The following PLCB1 variants were observed in gnomAD, a reference collection of about 807,000 sequenced individuals.
PLCB1 encodes the protein 1-phosphatidylinositol 4,5-bisphosphate phosphodiesterase beta-1.
A neutral mutation model predicts 161.8 loss-of-function variants in PLCB1; 46 were observed. That is an observed-to-expected ratio of 0.28 (90% CI 0.22 to 0.36). The LOEUF (loss-of-function observed/expected upper bound fraction) is 0.36, where lower values mean the gene tolerates loss of function less well. Among genes scored for constraint, PLCB1 ranks in the 10% least tolerant of loss-of-function variants. The probability of loss-of-function intolerance (pLI) is 1.00; values close to 1 mark genes in which losing one functional copy is unlikely to be tolerated. For synonymous variants in PLCB1, 517 were observed against 503.7 expected (o/e 1.03, Z -0.35); for missense variants, 1,016 against 1,472.5 (o/e 0.69, Z 5.07).
intron 3 of PLCB1, among the ~76,000 whole-genome samples, chr20:8,453,769 G>A (rs890216026): frequency 2.0e-5 from 3 of 152,190 alleles, no homozygotes; most frequent in African/African-American, 7.2e-5. Context: ...AAATCTGGAA[G>A]AAGAGTATTT....
At chr20:8,689,267 T>G (rs898196607) in intron 10 of PLCB1, among the ~76,000 whole-genome samples, 2 of 152,156 alleles carry the variant, frequency 1.3e-5, no homozygotes, top group African/African-American at 4.8e-5. Flanking sequence ...ATTTTCAAGG[T>G]AAACAATCAT....
At chr20:8,675,553 G>T (rs1990053754) in intron 9 of PLCB1, among the ~76,000 whole-genome samples, 1 of 152,092 alleles carries the variant, frequency 6.6e-6, no homozygotes. Flanking sequence ...ACAAATACAA[G>T]ATCAAAGATA....
At chr20:8,268,525 C>T (rs896468145) in intron 2 of PLCB1, among the ~76,000 whole-genome samples, 6 of 152,146 alleles carry the variant, frequency 3.9e-5, no homozygotes, top group African/African-American at 7.2e-5. Flanking sequence ...AGTTCTAGAT[C>T]CTTGAGGAAT....
chr20:8,720,856 TTTA>T (rs1366392729), intron 14 of PLCB1, among the ~76,000 whole-genome samples: 17 of 143,228 alleles, frequency 1.2e-4, no homozygotes, highest in South Asian at 1.1e-3. Context: ...ATTTTTTTTT[TTTA>T]AAAAAAAAAG....
intron 3 of PLCB1, among the ~76,000 whole-genome samples, chr20:8,569,564 A>G (rs1986441309): frequency 6.6e-6 from 1 of 152,230 alleles, no homozygotes. Flanking sequence ...ATAAGTATGA[A>G]AGAAACGAAA....
intron 3 of PLCB1, among the ~76,000 whole-genome samples, chr20:8,545,773 G>C (rs1985514932): frequency 6.6e-6 from 1 of 152,204 alleles, no homozygotes; most frequent in African/African-American, 2.4e-5. Flanking sequence ...TGCTGACTTA[G>C]TGGTGCTAGT....
chr20:8,770,555 A>G (rs1226636561), intron 26 of PLCB1, among the ~76,000 whole-genome samples: 1 of 152,186 alleles, frequency 6.6e-6, no homozygotes, highest in Non-Finnish European at 1.5e-5. Flanking sequence ...CAAGGTGTTC[A>G]GAGCAGTTTG....
chr20:8,765,112 C>T (rs777545445), intron 25 of PLCB1, 27 bp from the exon 26 acceptor site: 6 of 1,584,512 alleles, frequency 3.8e-6, no homozygotes, highest in Non-Finnish European at 5.2e-6. Flanking sequence ...CTCCCATTCC[C>T]TTAGCTTTCA....
At chr20:8,307,620 TTG>T (rs1327538341) in intron 2 of PLCB1, among the ~76,000 whole-genome samples, 1 of 152,098 alleles carries the variant, frequency 6.6e-6, no homozygotes, top group African/African-American at 2.4e-5. Flanking sequence ...ATTAATTATG[TTG>T]TTAGTTAAGA....
chr20:8,210,726 C>T (rs534573957), intron 2 of PLCB1, among the ~76,000 whole-genome samples: 86 of 152,196 alleles, frequency 5.7e-4, no homozygotes, highest in African/African-American at 2.0e-3. Flanking sequence ...CAATTCAATT[C>T]ATGGGAAATG....
chr20:8,269,345 C>T (rs56241783), intron 2 of PLCB1, among the ~76,000 whole-genome samples: 32,981 of 151,860 alleles, frequency 0.22, 4,058 homozygotes, highest in Non-Finnish European at 0.28. Context: ...TTTGGTTTTT[C>T]GTTCTTGTGT....
chr20:8,548,898 C>A (rs996341384), intron 3 of PLCB1, among the ~76,000 whole-genome samples: 1 of 152,078 alleles, frequency 6.6e-6, no homozygotes, highest in African/African-American at 2.4e-5. Context: ...ATATTGGATG[C>A]CAAGAAAATA....
At chr20:8,204,816 G>T (rs1978441779) in intron 2 of PLCB1, among the ~76,000 whole-genome samples, 1 of 152,098 alleles carries the variant, frequency 6.6e-6, no homozygotes, top group African/African-American at 2.4e-5. Flanking sequence ...TAAGTCTGTT[G>T]TTATTCAACA....
intron 2 of PLCB1, among the ~76,000 whole-genome samples, chr20:8,320,365 AT>A (rs1984856247): frequency 6.6e-6 from 1 of 152,158 alleles, no homozygotes; most frequent in African/African-American, 2.4e-5. Flanking sequence ...AACACAGTTA[AT>A]TTTTAGGAGG....
chr20:8,346,753 C>A (rs1360432166), intron 2 of PLCB1, among the ~76,000 whole-genome samples: 1 of 151,770 alleles, frequency 6.6e-6, no homozygotes, highest in Non-Finnish European at 1.5e-5. Flanking sequence ...GCTCAAATTG[C>A]ATTCAACAGT....
intron 31 of PLCB1, chr20:8,801,938 A>AACTGT: frequency 1.4e-6 from 1 of 724,624 alleles, no homozygotes; most frequent in South Asian, 1.5e-5. Context: ...GAGGAGTTAA[A>AACTGT]ACTGTACTCT....
chr20:8,702,868 T>C (rs1487862814), intron 11 of PLCB1, among the ~76,000 whole-genome samples: 1 of 152,248 alleles, frequency 6.6e-6, no homozygotes, highest in Non-Finnish European at 1.5e-5. Flanking sequence ...AGCATGAAAG[T>C]TCTCCAGTGG....
chr20:8,744,223 G>A (rs546755639), intron 23 of PLCB1, among the ~76,000 whole-genome samples: 57 of 151,978 alleles, frequency 3.8e-4, no homozygotes, highest in African/African-American at 1.2e-3. Flanking sequence ...ATTTTATTCT[G>A]TAAGAAATAG....
intron 10 of PLCB1, among the ~76,000 whole-genome samples, chr20:8,687,019 A>AATTATTATTATT (rs35280507): frequency 1.2e-3 from 175 of 149,138 alleles, no homozygotes; most frequent in African/African-American, 4.0e-3. Flanking sequence ...TACCAATTTA[A>AATTATTATTATT]ATTATTATTA....
Sources: gnomAD v4.1 joint callset for allele counts (sites outside exome capture counted in the v4.1 genomes callset) on GRCh38, gnomAD v4.1.1 for gene constraint, MANE v1.5 for transcripts, NCBI Gene and HGNC (gene_info 2026-07-23, HGNC 2026-07-21) for gene names.